The following ATP11C variants were observed in gnomAD, a reference collection of about 807,000 sequenced individuals.
ATP11C encodes ATPase phospholipid transporting 11C (ATP11C blood group).
A neutral mutation model predicts 97.4 loss-of-function variants in ATP11C; 36 were observed. The observed-to-expected ratio is 0.37, with a 90% confidence interval of 0.28 to 0.49. The LOEUF (loss-of-function observed/expected upper bound fraction) is 0.49. Ranked by LOEUF, ATP11C falls within the 20% of genes least tolerant of loss-of-function variation. ATP11C has a pLI of 0.98. For synonymous variants in ATP11C, 275 were observed against 290.9 expected (o/e 0.95, Z 0.56); for missense variants, 730 against 824.6 (o/e 0.89, Z 1.40).
intron 14 of ATP11C, 97 bp downstream of exon 14, chrX:139,788,095 T>A: frequency 1.3e-6 from 1 of 775,200 alleles, no homozygotes; most frequent in Non-Finnish European, 1.8e-6. Flanking sequence ...AGGAGATGTA[T>A]GTGCTAAGGT....
chrX:139,772,671 A>G (rs2082276207), intron 19 of ATP11C, among the ~76,000 whole-genome samples: 1 of 111,848 alleles, frequency 8.9e-6, no homozygotes. Context: ...AGCTTTAATA[A>G]TTGACTGCCC....
intron 1 of ATP11C, among the ~76,000 whole-genome samples, chrX:139,919,329 G>A (rs1018039519): frequency 4.6e-5 from 5 of 108,690 alleles, no homozygotes; most frequent in Non-Finnish European, 9.5e-5. Flanking sequence ...AAAATTAGCT[G>A]CGTGGTGGCG....
At chrX:139,735,210 G>T (rs2081418113) in intron 28 of ATP11C, among the ~76,000 whole-genome samples, 1 of 111,553 alleles carries the variant, frequency 9.0e-6, no homozygotes, top group Non-Finnish European at 1.9e-5. Flanking sequence ...TCAGCATAAG[G>T]TTGCTCTTAT....
intron 10 of ATP11C, 30 bp downstream of exon 10, chrX:139,798,243 A>G: frequency 8.9e-7 from 1 of 1,127,245 alleles, no homozygotes; most frequent in South Asian, 1.9e-5. Context: ...TTAATCAATA[A>G]TGACTAAATA....
chrX:139,836,611 T>C (rs746050724), intron 1 of ATP11C, among the ~76,000 whole-genome samples: 1 of 111,428 alleles, frequency 9.0e-6, no homozygotes, highest in Non-Finnish European at 1.9e-5. Context: ...CAGGGAAAGG[T>C]TCATGTGCTA....
In ATP11C at chrX:139,774,546, C is replaced by A. The variant is rs753993573; in HGVS notation, c.2216+144G>T. ...ATCTCAGATGGGCCATTATTCAAGT[C>A]CTCAGGGACGATTTTAACTTATAAG... On this transcript the variant is annotated intron_variant, in intron 19 of 29. Coordinates refer to ENST00000682941, the MANE Select transcript of ATP11C (RefSeq NM_001353812.2). 1.6e-5 allele frequency: 8 copies of A among 503,953 alleles called. No individual in the cohort carries two copies. The South Asian group carries it at 3.3e-4, about 21-fold the overall frequency. 41.5% of individuals were successfully genotyped at this position (503,953 alleles called of 1,213,427 possible).
chrX:139,814,686 G>T (rs1016282140), intron 5 of ATP11C, among the ~76,000 whole-genome samples, 192 bp downstream of exon 5: 2 of 111,220 alleles, frequency 1.8e-5, no homozygotes, highest in Non-Finnish European at 3.8e-5. Flanking sequence ...TATTGCCAGG[G>T]CCTGGGAGGA....
At chrX:139,902,601 T>C (rs950570916) in intron 1 of ATP11C, among the ~76,000 whole-genome samples, 2 of 112,272 alleles carry the variant, frequency 1.8e-5, no homozygotes, top group African/African-American at 6.5e-5. Flanking sequence ...AAACAAACTA[T>C]GTTTTTAAAC....
chrX:139,809,143 A>AT (rs1457266891), intron 5 of ATP11C, among the ~76,000 whole-genome samples: 2 of 111,259 alleles, frequency 1.8e-5, no homozygotes, highest in Non-Finnish European at 3.8e-5. Context: ...TTAAAAAGAT[A>AT]ATTACAACCT....
chrX:139,833,808 A>C (rs1429446540), intron 1 of ATP11C, among the ~76,000 whole-genome samples: 1 of 111,556 alleles, frequency 9.0e-6, no homozygotes, highest in African/African-American at 3.3e-5. Flanking sequence ...TTTTTTCTTC[A>C]AAATGAGACC....
intron 29 of ATP11C, among the ~76,000 whole-genome samples, chrX:139,731,338 T>C (rs2081336605): frequency 8.9e-6 from 1 of 112,233 alleles, no homozygotes; most frequent in South Asian, 3.6e-4. Flanking sequence ...CTGATCAATA[T>C]TAACAAACAT....
chrX:139,884,151 T>G (rs1261407035), intron 1 of ATP11C, among the ~76,000 whole-genome samples: 2 of 111,502 alleles, frequency 1.8e-5, no homozygotes, highest in Non-Finnish European at 3.8e-5. Flanking sequence ...TATTGATTGG[T>G]AGAGTTGGAG....
chrX:139,787,008 A>T (rs186993671), intron 15 of ATP11C, among the ~76,000 whole-genome samples, 165 bp downstream of exon 15: 58 of 112,170 alleles, frequency 5.2e-4, no homozygotes, highest in East Asian at 3.9e-3. Context: ...CTGCAATTCT[A>T]TGTAACATGG....
At chrX:139,854,056 C>G (rs1306098992) in intron 1 of ATP11C, among the ~76,000 whole-genome samples, 1 of 111,417 alleles carries the variant, frequency 9.0e-6, no homozygotes, top group Non-Finnish European at 1.9e-5. Flanking sequence ...GATGGTTCCT[C>G]CCAGGTGACT....
At chrX:139,751,878 T>C (rs900609426) in intron 23 of ATP11C, among the ~76,000 whole-genome samples, 1 of 110,822 alleles carries the variant, frequency 9.0e-6, no homozygotes, top group Non-Finnish European at 1.9e-5. Flanking sequence ...ATTTCTACAT[T>C]CTTCATAGTC....
chrX:139,922,223 AATATATATATATATATATATATAT>A lies in ATP11C; in HGVS notation c.27+9769_27+9792del, dbSNP rs201394639. 2.4e-3 allele frequency among the ~76,000 whole-genome samples: 107 copies of A among 43,751 alleles called. 1 individual carries two copies. The highest frequency in any genetic ancestry group is 5.3e-3 in the African/African-American group (68 of 12,868). 38.0% of individuals were successfully genotyped at this position (43,751 alleles called of 115,157 possible). A position where few individuals can be genotyped will look rare whatever the true frequency, so the allele number is the denominator to read the frequency against. On this transcript the variant is annotated intron_variant, in intron 1 of 29. Coordinates refer to ENST00000682941, the MANE Select transcript of ATP11C (RefSeq NM_001353812.2). The stretch of plus-strand genomic sequence containing the variant: ...GTCTCTCTCTCTCTCTCCTTCTCTA[AATATATATATATATATATATATAT>A]ATATATATATATATATATATATGCA...
intron 1 of ATP11C, among the ~76,000 whole-genome samples, chrX:139,853,358 C>CAGAGAGGGGAAGAA (rs2084033638): frequency 9.6e-6 from 1 of 103,628 alleles, no homozygotes; most frequent in African/African-American, 3.6e-5. Context: ...AGGGGAAAGA[C>CAGAGAGGGGAAGAA]AGAGAGGGGA....
chrX:139,873,884 G>A, intron 1 of ATP11C, among the ~76,000 whole-genome samples: 1 of 108,470 alleles, frequency 9.2e-6, no homozygotes, highest in Non-Finnish European at 1.9e-5. Flanking sequence ...ACAACTCCAT[G>A]CACCCGAGAC....
chrX:139,771,654 C>T (rs1197573815), intron 19 of ATP11C, among the ~76,000 whole-genome samples: 2 of 111,343 alleles, frequency 1.8e-5, no homozygotes, highest in East Asian at 2.8e-4. Flanking sequence ...TGTTGGGAAC[C>T]GGAGCAAAGG....
Sources: gnomAD v4.1 joint callset for allele counts (sites outside exome capture counted in the v4.1 genomes callset) on GRCh38, gnomAD v4.1.1 for gene constraint, MANE v1.5 for transcripts, NCBI Gene and HGNC (gene_info 2026-07-23, HGNC 2026-07-21) for gene names.